The following ADGRL4 variants were observed in gnomAD, a reference collection of about 807,000 sequenced individuals.
ADGRL4 encodes the protein EGF, latrophilin and seven transmembrane domain containing 1.
A neutral mutation model predicts 74.8 loss-of-function variants in ADGRL4; 90 were observed. That is an observed-to-expected ratio of 1.20 (90% CI 1.02 to 1.43). The LOEUF (loss-of-function observed/expected upper bound fraction) is 1.43, where lower values mean the gene tolerates loss of function less well. ADGRL4 is among the 40% of genes most tolerant of loss of function. The pLI, the probability that ADGRL4 is intolerant of heterozygous loss-of-function variation, is 0.00. For synonymous variants in ADGRL4, 311 were observed against 279.2 expected (o/e 1.11, Z -1.14); for missense variants, 881 against 814.3 (o/e 1.08, Z -1.00).
chr1:78,982,211 A>G (rs914523086), intron 2 of ADGRL4, among the ~76,000 whole-genome samples: 18 of 151,722 alleles, frequency 1.2e-4, no homozygotes, highest in Non-Finnish European at 1.5e-5. Context: ...CTCTATTCTA[A>G]AATATAAGCC....
In ADGRL4 at chr1:78,917,827, T is replaced by G. The variant is rs1270100890; in HGVS notation, c.1682+3A>C. On this transcript the variant is annotated splice_donor_region_variant and intron_variant, in intron 11 of 14. Transcript: ENST00000370742. ...AAATGCTCATGAAATCATTTTAACTTACACTTTGGTTGTGCCATAATATCT... is the reference window on the plus strand; with the variant it reads ...AAATGCTCATGAAATCATTTTAACTGACACTTTGGTTGTGCCATAATATCT... 6.2e-7 allele frequency: 1 copy of G among 1,611,284 alleles called. No homozygotes were observed. Among genetic ancestry groups the G allele is most frequent in the South Asian group, 1.1e-5 (1 of 90,986 alleles).
At position 78,918,022 on chromosome 1, in the gene ADGRL4, A is replaced by G. The variant is rs1648914818; in HGVS notation, c.1490T>C (p.Leu497Pro). ...KLFCSIIAGL[L>P]HYFFLAAFAW... ...AAAAGCAGCTAAAAAGAAGTAGTGTAGCAGTCCGGCAATGATTGAACAGAA... is the reference window on the plus strand; with the variant it reads ...AAAAGCAGCTAAAAAGAAGTAGTGTGGCAGTCCGGCAATGATTGAACAGAA... The change falls in exon 11 of 15, where the codon CTA (leucine) becomes CCA (proline). Residue 497 changes from leucine (L) to proline (P), a missense_variant. Transcript: ENST00000370742. The G allele has an allele frequency of 6.2e-7, 1 of 1,611,966 alleles. No individual in the cohort carries two copies. Among genetic ancestry groups the G allele is most frequent in the South Asian group, 1.1e-5 (1 of 91,020 alleles).
At chr1:79,003,265 A>C (rs966719556) in intron 2 of ADGRL4, among the ~76,000 whole-genome samples, 1 of 152,102 alleles carries the variant, frequency 6.6e-6, no homozygotes, top group Non-Finnish European at 1.5e-5. Flanking sequence ...CTGACTAAAA[A>C]AAGGTTAAAA....
At chr1:78,927,443 T>C (rs1485033235) in intron 7 of ADGRL4, among the ~76,000 whole-genome samples, 1 of 152,116 alleles carries the variant, frequency 6.6e-6, no homozygotes, top group Non-Finnish European at 1.5e-5. Flanking sequence ...AGTTATTATG[T>C]CCTTGTATAA....
chr1:78,917,325 C>A (rs577397031), intron 12 of ADGRL4, among the ~76,000 whole-genome samples: 3 of 151,654 alleles, frequency 2.0e-5, no homozygotes, highest in East Asian at 3.9e-4. Flanking sequence ...CATCTATACT[C>A]CATCAAGAGG....
At chr1:78,950,025 A>G (rs923455902) in intron 2 of ADGRL4, among the ~76,000 whole-genome samples, 1 of 152,142 alleles carries the variant, frequency 6.6e-6, no homozygotes, top group Non-Finnish European at 1.5e-5. Flanking sequence ...AGATGTACCA[A>G]CACCCAAATT....
At chr1:78,943,628 C>T (rs1484981977) in intron 3 of ADGRL4, among the ~76,000 whole-genome samples, 5 of 152,042 alleles carry the variant, frequency 3.3e-5, no homozygotes, top group African/African-American at 1.2e-4. Context: ...AATTTCAAAT[C>T]AGAAGCAATA....
intron 12 of ADGRL4, among the ~76,000 whole-genome samples, chr1:78,915,032 T>G (rs1648842500): frequency 6.6e-6 from 1 of 151,906 alleles, no homozygotes; most frequent in South Asian, 2.1e-4. Flanking sequence ...TATCCATATC[T>G]CCATTCAACC....
intron 2 of ADGRL4, among the ~76,000 whole-genome samples, chr1:78,999,090 A>T (rs981065960): frequency 6.6e-6 from 1 of 152,216 alleles, no homozygotes; most frequent in African/African-American, 2.4e-5. Context: ...ACAGATAAGT[A>T]CAAGACTGGA....
intron 12 of ADGRL4, among the ~76,000 whole-genome samples, chr1:78,902,393 A>G (rs1414303099): frequency 6.6e-6 from 1 of 152,134 alleles, no homozygotes; most frequent in Non-Finnish European, 1.5e-5. Context: ...TACTATTATC[A>G]CCATTACCAT....
chr1:78,999,825 T>TATC (rs1278322307), intron 2 of ADGRL4, among the ~76,000 whole-genome samples: 3 of 150,224 alleles, frequency 2.0e-5, no homozygotes, highest in African/African-American at 7.4e-5. Context: ...TCTATCTATC[T>TATC]ATCTATCTAT....
At chr1:78,950,119 T>C (rs1010541388) in intron 2 of ADGRL4, among the ~76,000 whole-genome samples, 13 of 152,090 alleles carry the variant, frequency 8.5e-5, no homozygotes, top group African/African-American at 3.1e-4. Flanking sequence ...CTTAGGTCAT[T>C]TGCAAGATAA....
intron 10 of ADGRL4, among the ~76,000 whole-genome samples, chr1:78,919,968 CA>C (rs1648961632): frequency 6.6e-6 from 1 of 151,896 alleles, no homozygotes; most frequent in African/African-American, 2.4e-5. Flanking sequence ...CCCAATAATT[CA>C]TCATAATGAG....
intron 12 of ADGRL4, among the ~76,000 whole-genome samples, chr1:78,895,565 G>T (rs982612872): frequency 1.3e-5 from 2 of 152,016 alleles, no homozygotes; most frequent in Non-Finnish European, 2.9e-5. Context: ...TTTAAACCTG[G>T]ATTTAATCAG....
intron 2 of ADGRL4, among the ~76,000 whole-genome samples, chr1:78,990,480 C>T (rs979588123): frequency 6.6e-6 from 1 of 151,906 alleles, no homozygotes; most frequent in African/African-American, 2.4e-5. Flanking sequence ...GGATTACAAT[C>T]TGAAGACTTG....
chr1:78,919,041 A>G (rs1570227274), intron 10 of ADGRL4, among the ~76,000 whole-genome samples: 4 of 152,116 alleles, frequency 2.6e-5, no homozygotes, highest in Admixed American at 6.6e-5. Flanking sequence ...TGGGAGATAC[A>G]TAAAATTGAA....
At chr1:78,899,440 A>G (rs903391294) in intron 12 of ADGRL4, among the ~76,000 whole-genome samples, 4 of 152,200 alleles carry the variant, frequency 2.6e-5, no homozygotes, top group African/African-American at 9.6e-5. Context: ...CTGCAACCTC[A>G]ACCTCCTGGA....
Position 78,938,212 on chromosome 1 carries a change from GA to G in ADGRL4, c.463del (p.Ser155HisfsTer5). On this transcript the variant is annotated frameshift_variant, in exon 5 of 15. Coordinates refer to ENST00000370742, the MANE Select transcript of ADGRL4 (RefSeq NM_022159.4). LOFTEE classifies it high-confidence loss of function. ...TATATATGTAATTATATCTGTTGGTGAAAGATCTGTCACAGAATTTCTATAG... is the reference window on the plus strand; with the variant it reads ...TATATATGTAATTATATCTGTTGGTGAAGATCTGTCACAGAATTTCTATAG... ...EVYRNSVTDL[S>X]PTDIITYIEI... The G allele has an allele frequency of 5.6e-6, 9 of 1,611,622 alleles. No homozygotes were observed. Among genetic ancestry groups the G allele is most frequent in the Non-Finnish European group, 7.6e-6 (9 of 1,179,142 alleles).
Position 78,965,467 on chromosome 1 carries a change from A to C in ADGRL4, c.173-19041T>G, listed in dbSNP as rs928039760. ...GGAGTTACCCAAACAATCAAGTGTT[A>C]ATTTAAAAAAAGAAAAAATTTTTCC... On this transcript the variant is annotated intron_variant, in intron 2 of 14. Transcript: ENST00000370742. Among the ~76,000 whole-genome samples, 15 of 152,182 alleles carry C rather than the reference A, an allele frequency of 9.9e-5. 1 individual carries two copies. Among genetic ancestry groups the C allele is most frequent in the Admixed American group, 5.9e-4 (9 of 15,278 alleles).
Sources: gnomAD v4.1 joint callset for allele counts (sites outside exome capture counted in the v4.1 genomes callset) on GRCh38, gnomAD v4.1.1 for gene constraint, MANE v1.5 for transcripts, NCBI Gene and HGNC (gene_info 2026-07-23, HGNC 2026-07-21) for gene names.